CTNNA2: variants seen among roughly 807,000 people sequenced by gnomAD.
CTNNA2 encodes the protein catenin alpha-2.
In CTNNA2, 42 loss-of-function variants were observed where a neutral mutation model predicts 101.0. The observed-to-expected ratio is 0.42, with a 90% confidence interval of 0.32 to 0.54. The LOEUF (loss-of-function observed/expected upper bound fraction) is 0.54. Ranked by LOEUF, CTNNA2 falls within the 20% of genes least tolerant of loss-of-function variation. The pLI is 0.14. For synonymous variants in CTNNA2, 450 were observed against 456.4 expected (o/e 0.99, Z 0.18); for missense variants, 871 against 1,223.1 (o/e 0.71, Z 4.29).
chr2:79,737,168 C>T (rs200324648), intron 2 of CTNNA2, among the ~76,000 whole-genome samples: 18 of 151,866 alleles, frequency 1.2e-4, no homozygotes, highest in South Asian at 4.2e-4. Flanking sequence ...GCCAACATGG[C>T]GAAACCCCGT....
chr2:79,301,998 C>T (rs2104391133), intron 2 of CTNNA2, among the ~76,000 whole-genome samples: 2 of 152,154 alleles, frequency 1.3e-5, no homozygotes, highest in African/African-American at 4.8e-5. Context: ...AAGGTTGAGG[C>T]AGGAGAATCA....
At chr2:79,189,779 C>G (rs1673827710) in intron 1 of CTNNA2, among the ~76,000 whole-genome samples, 1 of 152,138 alleles carries the variant, frequency 6.6e-6, no homozygotes, top group South Asian at 2.1e-4. Context: ...GATTACCTTT[C>G]AAAAGGATAG....
At chr2:80,099,660 A>G (rs550175570) in intron 7 of CTNNA2, among the ~76,000 whole-genome samples, 20 of 152,222 alleles carry the variant, frequency 1.3e-4, no homozygotes, top group African/African-American at 4.6e-4. Flanking sequence ...AGATCAGTTT[A>G]GAGAATTTTC....
At chr2:79,431,977 G>A (rs1161829307) in intron 4 of CTNNA2, among the ~76,000 whole-genome samples, 1 of 152,134 alleles carries the variant, frequency 6.6e-6, no homozygotes, top group Non-Finnish European at 1.5e-5. Context: ...GAAGTCACTG[G>A]TTCATAGAAA....
intron 7 of CTNNA2, among the ~76,000 whole-genome samples, chr2:79,919,823 G>A (rs2104374421): frequency 6.6e-6 from 1 of 152,308 alleles, no homozygotes; most frequent in South Asian, 2.1e-4. Flanking sequence ...CTTGAACTCT[G>A]AGAGGTATTT....
At chr2:79,230,512 CAA>C (rs1674475954) in intron 2 of CTNNA2, among the ~76,000 whole-genome samples, 1 of 152,206 alleles carries the variant, frequency 6.6e-6, no homozygotes. Context: ...GATAACCAGG[CAA>C]AAGTTTGCTG....
intron 4 of CTNNA2, among the ~76,000 whole-genome samples, chr2:79,486,342 G>C (rs1214450992): frequency 2.7e-5 from 4 of 150,584 alleles, no homozygotes; most frequent in Non-Finnish European, 1.5e-5. Context: ...TTTTGTCCTT[G>C]TGATAGTTTG....
At chr2:80,392,713 A>G (rs1677627141) in intron 7 of CTNNA2, among the ~76,000 whole-genome samples, 1 of 152,220 alleles carries the variant, frequency 6.6e-6, no homozygotes, top group African/African-American at 2.4e-5. Context: ...ATTTTCTAGT[A>G]AAGCATCTCT....
intron 4 of CTNNA2, among the ~76,000 whole-genome samples, chr2:79,416,826 C>T (rs1394200645): frequency 6.6e-5 from 10 of 151,964 alleles, no homozygotes. Context: ...CTCTTTATCC[C>T]ACAGAAGTCA....
intron 2 of CTNNA2, among the ~76,000 whole-genome samples, chr2:79,691,043 C>A (rs1684261620): frequency 6.6e-6 from 1 of 151,958 alleles, no homozygotes; most frequent in South Asian, 2.1e-4. Flanking sequence ...TAAGAGTGTT[C>A]TTCATGCAGA....
chr2:80,171,882 T>C (rs542484249), intron 7 of CTNNA2, among the ~76,000 whole-genome samples: 1 of 152,220 alleles, frequency 6.6e-6, no homozygotes, highest in African/African-American at 2.4e-5. Context: ...AGGAGACAAT[T>C]TAATATCTCT....
At chr2:79,421,548 A>G (rs980158944) in intron 4 of CTNNA2, among the ~76,000 whole-genome samples, 1 of 152,198 alleles carries the variant, frequency 6.6e-6, no homozygotes, top group African/African-American at 2.4e-5. Flanking sequence ...TAGATGGCTA[A>G]TACCTTGATG....
At chr2:80,461,960 T>C (rs2149473391) in intron 9 of CTNNA2, among the ~76,000 whole-genome samples, 2 of 152,320 alleles carry the variant, frequency 1.3e-5, no homozygotes, top group East Asian at 3.9e-4. Context: ...CTCAGCCCCC[T>C]GGGGATCTGC....
At chr2:79,961,896 C>T (rs937603011) in intron 7 of CTNNA2, among the ~76,000 whole-genome samples, 1 of 151,210 alleles carries the variant, frequency 6.6e-6, no homozygotes, top group Non-Finnish European at 1.5e-5. Flanking sequence ...TCAGATGGAC[C>T]TTTCCCTGGC....
chr2:79,419,101 T>A (rs1678512981), intron 4 of CTNNA2, among the ~76,000 whole-genome samples: 1 of 152,120 alleles, frequency 6.6e-6, no homozygotes, highest in African/African-American at 2.4e-5. Context: ...ATAGAAACAC[T>A]CTATGAATTA....
intron 2 of CTNNA2, among the ~76,000 whole-genome samples, chr2:79,253,718 T>A (rs1558587959): frequency 6.6e-6 from 1 of 152,228 alleles, no homozygotes; most frequent in Admixed American, 6.5e-5. Context: ...TTGTCCAAAC[T>A]GTTTTAAGGC....
chr2:80,148,002 AGAGT>A (rs1703458583), intron 7 of CTNNA2, among the ~76,000 whole-genome samples: 1 of 152,230 alleles, frequency 6.6e-6, no homozygotes, highest in Non-Finnish European at 1.5e-5. Flanking sequence ...ATTTTAAATA[AGAGT>A]AAGTACTGCT....
At chr2:79,495,505 A>G (rs1466806693) in intron 4 of CTNNA2, among the ~76,000 whole-genome samples, 1 of 152,200 alleles carries the variant, frequency 6.6e-6, no homozygotes, top group Non-Finnish European at 1.5e-5. Context: ...TGAAATCCTC[A>G]TACATTGCTG....
Position 79,483,811 on chromosome 2 carries a change from C to G in CTNNA2, c.-134-21243C>G, listed in dbSNP as rs141405103. 4.7e-4 allele frequency among the ~76,000 whole-genome samples: 72 copies of G among 152,284 alleles called. No individual in the cohort carries two copies. In the East Asian group the frequency reaches 0.013, roughly 28 times the overall value. On this transcript the variant is annotated intron_variant, in intron 4 of 21. Coordinates refer to the CTNNA2 transcript ENST00000466387. ...CACATTTTCTTTATCCACCTGTTGA[C>G]TGATGAGCATTTGGGCTAATTCCAT...
Sources: allele counts gnomAD v4.1 joint callset (sites outside exome capture counted in the v4.1 genomes callset), GRCh38; gene constraint gnomAD v4.1.1; transcripts MANE v1.5; gene names NCBI Gene and HGNC (gene_info 2026-07-23, HGNC 2026-07-21).